The following ZNF264 variants were observed in gnomAD, a reference collection of about 807,000 sequenced individuals.
The protein encoded by ZNF264 is zinc finger protein 264.
Under a neutral mutation model 11.2 loss-of-function variants are expected in ZNF264, and 11 were observed. The ratio of observed to expected loss-of-function variants is 0.98; its 90% CI spans 0.62 to 1.63. The LOEUF is 1.63. ZNF264 is among the 40% of genes most tolerant of loss of function. The probability of loss-of-function intolerance (pLI) is 0.00; values close to 1 mark genes in which losing one functional copy is unlikely to be tolerated. For missense variants in ZNF264, 752 were observed against 768.1 expected, an observed-to-expected ratio of 0.98 and a Z score of 0.25; for synonymous variants, 309 against 279.8, an observed-to-expected ratio of 1.10 and a Z score of -1.04.
chr19:57,218,456 T>C lies in ZNF264; in HGVS notation c.*5475T>C, dbSNP rs1050061248. On this transcript the variant is annotated 3_prime_UTR_variant, in exon 4 of 4. Transcript: ENST00000263095. ...TGCGTGGCATGGAAGTTTTTGGGTG[T>C]ATTCTATTTGGCGCTCCCTGGTGCT... 2 of 152,342 alleles carry C rather than the reference T, an allele frequency of 1.3e-5. No homozygotes were observed. Among genetic ancestry groups the C allele is most frequent in the Non-Finnish European group, 2.9e-5 (2 of 68,064 alleles). 9.4% of individuals were successfully genotyped at this position (152,342 alleles called of 1,614,324 possible). A position where few individuals can be genotyped will look rare whatever the true frequency, so the allele number is the denominator to read the frequency against.
intron 3 of ZNF264, among the ~76,000 whole-genome samples, chr19:57,209,675 G>A (rs948270818): frequency 5.3e-5 from 8 of 152,132 alleles, no homozygotes; most frequent in African/African-American, 1.9e-4. Flanking sequence ...TTTTGCGGCT[G>A]AAGCAATCCT....
intron 3 of ZNF264, among the ~76,000 whole-genome samples, chr19:57,209,219 G>C (rs529356023): frequency 6.6e-6 from 1 of 151,606 alleles, no homozygotes; most frequent in East Asian, 1.9e-4. Flanking sequence ...TTTTTGTCTT[G>C]TATAAAAAAT....
chr19:57,191,545 G>T lies in ZNF264; in HGVS notation c.-369G>T, dbSNP rs911665552. On this transcript the variant is annotated 5_prime_UTR_variant, in exon 1 of 4. Transcript: ENST00000263095. ...CTGGAGAGGTCTGTAGCCACTGAGGGCCCCGGTCGGGGCCGCTTTGCAGGT... is the reference window on the plus strand; with the variant it reads ...CTGGAGAGGTCTGTAGCCACTGAGGTCCCCGGTCGGGGCCGCTTTGCAGGT... 1.7e-5 allele frequency: 4 copies of T among 242,276 alleles called. No homozygotes were observed. Among genetic ancestry groups the T allele is most frequent in the Non-Finnish European group, 3.1e-5 (4 of 127,060 alleles). The allele number at this position is 242,276 out of a possible 1,614,324, so 15.0% of individuals were successfully genotyped here. A position where few individuals can be genotyped will look rare whatever the true frequency, so the allele number is the denominator to read the frequency against.
rs1599955884 is a variant in ZNF264, at chr19:57,213,064, C to A, written c.*83C>A. On this transcript the variant is annotated 3_prime_UTR_variant, in exon 4 of 4. Transcript: ENST00000263095. ...TTCAGTCTAGAGCCTTATTCTCCAT[C>A]TGATAATTTATCCTGGAGAGAGACC... 1 of 1,359,376 alleles carries A rather than the reference C, an allele frequency of 7.4e-7. No homozygotes were observed. Among genetic ancestry groups the A allele is most frequent in the Non-Finnish European group, 1.0e-6 (1 of 1,001,416 alleles). 84.2% of individuals were successfully genotyped at this position (1,359,376 alleles called of 1,614,324 possible).
intron 2 of ZNF264, among the ~76,000 whole-genome samples, chr19:57,204,351 T>A (rs1030199058): frequency 6.6e-6 from 1 of 152,162 alleles, no homozygotes; most frequent in Admixed American, 6.5e-5. Context: ...GGGTTATTGA[T>A]AGGGTTTGGC....
Position 57,212,916 on chromosome 19 carries a change from G to A in ZNF264, c.1819G>A (p.Glu607Lys). ...CACTGAGGCAAATATTTTGCCAGAG[G>A]AAACATCTTCCTCTGCATCTGATCA... Reference protein sequence around the residue: ...VTTEANILPEETSSSASDQPY... With the variant: ...VTTEANILPEKTSSSASDQPY... The change falls in exon 4 of 4, where the codon GAA (glutamate) becomes AAA (lysine). Residue 607 changes from glutamate to lysine, a missense_variant. By Grantham distance (56) the Glu-to-Lys change is moderately conservative. Coordinates refer to ENST00000263095, the MANE Select transcript of ZNF264 (RefSeq NM_003417.5). The A allele has an allele frequency of 1.2e-6, 2 of 1,614,152 alleles. No homozygotes were observed. The highest frequency in any genetic ancestry group is 1.7e-6 in the Non-Finnish European group (2 of 1,180,000).
intron 2 of ZNF264, among the ~76,000 whole-genome samples, chr19:57,202,518 C>A (rs1157103909): frequency 6.6e-6 from 1 of 151,786 alleles, no homozygotes; most frequent in South Asian, 2.1e-4. Flanking sequence ...GCCCTCCTTT[C>A]GCTCTAACGT....
chr19:57,220,736 C>G lies in ZNF264; in HGVS notation c.*7755C>G, dbSNP rs1037703351. On this transcript the variant is annotated 3_prime_UTR_variant, in exon 4 of 4. Transcript: ENST00000263095. ...CAGTTCACTGCAACCTCCATCCCCC[C>G]ATGTTCAAGCAATTCTCCTGCCTCA... is the stretch of plus-strand genomic sequence containing the variant. 1 of 152,242 alleles carries G rather than the reference C, an allele frequency of 6.6e-6. No individual in the cohort carries two copies. Among genetic ancestry groups the G allele is most frequent in the African/African-American group, 2.4e-5 (1 of 41,438 alleles). 9.4% of individuals were successfully genotyped at this position (152,242 alleles called of 1,614,324 possible). A position where few individuals can be genotyped will look rare whatever the true frequency, so the allele number is the denominator to read the frequency against.
In ZNF264 at chr19:57,216,885, A is replaced by G. The variant is rs1252376326; in HGVS notation, c.*3904A>G. 1 of 143,254 alleles carries G rather than the reference A, an allele frequency of 7.0e-6. No homozygotes were observed. The highest frequency in any genetic ancestry group is 1.5e-5 in the Non-Finnish European group (1 of 65,704). The allele number at this position is 143,254 out of a possible 1,614,324, so 8.9% of individuals were successfully genotyped here. ...CACCTTTTTTTTTTTTAATAATTTG[A>G]TTTGATACATATGTAGTGTTTTTTA... On this transcript the variant is annotated 3_prime_UTR_variant, in exon 4 of 4. Coordinates refer to ENST00000263095, the MANE Select transcript of ZNF264 (RefSeq NM_003417.5).
rs2087421472 is a variant in ZNF264 at position 57,222,087 on chromosome 19, C to T, written c.*9106C>T. ...TTGTAATAAATTCAGGTGGCTCACG[C>T]CTGTGATACCAGCACTTTTGGGAGG... On this transcript the variant is annotated 3_prime_UTR_variant, in exon 4 of 4. Coordinates refer to ENST00000263095, the MANE Select transcript of ZNF264 (RefSeq NM_003417.5). 6.6e-6 allele frequency: 1 copy of T among 152,044 alleles called. No individual in the cohort carries two copies. The highest frequency in any genetic ancestry group is 2.4e-5 in the African/African-American group (1 of 41,384). The allele number at this position is 152,044 out of a possible 1,614,324, so 9.4% of individuals were successfully genotyped here. A position where few individuals can be genotyped will look rare whatever the true frequency, so the allele number is the denominator to read the frequency against.
Position 57,212,804 on chromosome 19 carries a change from AAC to A in ZNF264, c.1709_1710del (p.Thr570ArgfsTer30), listed in dbSNP as rs1240176070. On this transcript the variant is annotated frameshift_variant, in exon 4 of 4. Coordinates refer to ENST00000263095, the MANE Select transcript of ZNF264 (RefSeq NM_003417.5). LOFTEE classifies it low-confidence loss of function (END_TRUNC). ...MHTGKNPISV[T>X]DVGRPFTSGQ... Reference sequence around the variant, plus strand: ...ATACTGGGAAAAATCCCATCAGTGTAACAGATGTGGGAAGACCTTTTACAAGT... The same window carrying A: ...ATACTGGGAAAAATCCCATCAGTGTAAGATGTGGGAAGACCTTTTACAAGT... 2 of 1,614,214 alleles carry A rather than the reference AAC, an allele frequency of 1.2e-6. No individual in the cohort carries two copies. The highest frequency in any genetic ancestry group is 1.7e-6 in the Non-Finnish European group (2 of 1,180,030).
chr19:57,212,232 GTCT>G lies in ZNF264; in HGVS notation c.1140_1142del (p.Phe380del), dbSNP rs758510830. ...CTATGAGTGCAGTGAATGTGGGAAG[GTCT>G]TCTTGGAGAGTGCAGCCCTGATTCA... On this transcript the variant is annotated inframe_deletion, in exon 4 of 4. Transcript: ENST00000263095. 33 of 1,614,102 alleles carry G rather than the reference GTCT, an allele frequency of 2.0e-5. No individual in the cohort carries two copies. Among genetic ancestry groups the G allele is most frequent in the African/African-American group, 5.3e-5 (4 of 75,006 alleles).
At position 57,212,463 on chromosome 19, in the gene ZNF264, G is replaced by A. The variant is rs753183718; in HGVS notation, c.1366G>A (p.Glu456Lys). 12 of 1,613,900 alleles carry A rather than the reference G, an allele frequency of 7.4e-6. No individual in the cohort carries two copies. The highest frequency in any genetic ancestry group is 2.2e-5 in the East Asian group (1 of 44,848). Residue 456 changes from glutamate to lysine, a missense_variant, in exon 4 of 4, where the codon GAG becomes AAG. Transcript: ENST00000263095. ...KRAHTGEKPF[E>K]CKECGKAFSN... is the part of the protein sequence containing the mutation. Reference sequence around the variant, plus strand: ...GGCCCACACTGGAGAAAAGCCTTTCGAGTGCAAAGAGTGTGGGAAAGCCTT... The same window carrying A: ...GGCCCACACTGGAGAAAAGCCTTTCAAGTGCAAAGAGTGTGGGAAAGCCTT...
rs771009962 is a variant in ZNF264 at position 57,194,018 on chromosome 19, C to A, written c.160+17C>A. On this transcript the variant is annotated intron_variant, in intron 2 of 3. Coordinates refer to ENST00000263095, the MANE Select transcript of ZNF264 (RefSeq NM_003417.5). Reference sequence around the variant, plus strand: ...TGTCTCTGGGTAAGGCCTTCCTTCCCCCTCCACCATGCAGGTGACCTGCCA... The same window carrying A: ...TGTCTCTGGGTAAGGCCTTCCTTCCACCTCCACCATGCAGGTGACCTGCCA... 2 of 1,592,750 alleles carry A rather than the reference C, an allele frequency of 1.3e-6. No individual in the cohort carries two copies. The highest frequency in any genetic ancestry group is 2.3e-5 in the South Asian group (2 of 88,234).
intron 2 of ZNF264, chr19:57,194,865 T>C (rs1351851378): frequency 2.5e-6 from 1 of 400,166 alleles, no homozygotes; most frequent in Non-Finnish European, 4.4e-6. Context: ...GAGCATTGAA[T>C]ACTTTCTCTT....
intron 1 of ZNF264, among the ~76,000 whole-genome samples, chr19:57,193,080 G>C (rs1404697007): frequency 1.3e-5 from 2 of 152,160 alleles, no homozygotes; most frequent in Non-Finnish European, 1.5e-5. Context: ...TGTTAGAAAT[G>C]AGTGGAAATG....
At chr19:57,208,017 C>T (rs1466126386) in intron 3 of ZNF264, among the ~76,000 whole-genome samples, 1 of 151,624 alleles carries the variant, frequency 6.6e-6, no homozygotes, top group Non-Finnish European at 1.5e-5. Context: ...TGAGCCACTG[C>T]GCCTGGCCAT....
chr19:57,213,059 T>G lies in ZNF264; in HGVS notation c.*78T>G. 1 of 1,391,174 alleles carries G rather than the reference T, an allele frequency of 7.2e-7. No individual in the cohort carries two copies. 86.2% of individuals were successfully genotyped at this position (1,391,174 alleles called of 1,614,324 possible). On this transcript the variant is annotated 3_prime_UTR_variant, in exon 4 of 4. Coordinates refer to ENST00000263095, the MANE Select transcript of ZNF264 (RefSeq NM_003417.5). ...ATTCGTTCAGTCTAGAGCCTTATTCTCCATCTGATAATTTATCCTGGAGAG... is the reference window on the plus strand; with the variant it reads ...ATTCGTTCAGTCTAGAGCCTTATTCGCCATCTGATAATTTATCCTGGAGAG...
Position 57,215,590 on chromosome 19 carries a change from C to T in ZNF264, c.*2609C>T, listed in dbSNP as rs1052944010. ...TTGCTTTGGTTGTATTTGGCTCTTTCTAACTTTTCAAGGTGGGGTTTTAGA... is the reference window on the plus strand; with the variant it reads ...TTGCTTTGGTTGTATTTGGCTCTTTTTAACTTTTCAAGGTGGGGTTTTAGA... On this transcript the variant is annotated 3_prime_UTR_variant, in exon 4 of 4. Transcript: ENST00000263095. 1.3e-5 allele frequency: 2 copies of T among 152,128 alleles called. No individual in the cohort carries two copies. The highest frequency in any genetic ancestry group is 4.8e-5 in the African/African-American group (2 of 41,444). The allele number at this position is 152,128 out of a possible 1,614,324, so 9.4% of individuals were successfully genotyped here.
Sources: gnomAD v4.1 joint callset for allele counts (sites outside exome capture counted in the v4.1 genomes callset) on GRCh38, gnomAD v4.1.1 for gene constraint, MANE v1.5 for transcripts, NCBI Gene and HGNC (gene_info 2026-07-23, HGNC 2026-07-21) for gene names.